Variants in CLIC5 observed in about 807,000 individuals in gnomAD.
CLIC5 encodes the protein CLIC family member 5.
In CLIC5, 20 loss-of-function variants were observed where a neutral mutation model predicts 24.7. The observed-to-expected ratio is 0.81, with a 90% CI of 0.57 to 1.18. The LOEUF is 1.18. Among genes scored for constraint, CLIC5 ranks in the 50% most tolerant of loss-of-function variants. CLIC5 has a pLI of 0.00. For missense variants in CLIC5, 341 were observed against 326.1 expected (o/e 1.05, Z -0.35); for synonymous variants, 159 against 135.6 (o/e 1.17, Z -1.20).
At chr6:46,058,328 A>G (rs1012547973) in intron 1 of CLIC5, among the ~76,000 whole-genome samples, 2 of 152,222 alleles carry the variant, frequency 1.3e-5, no homozygotes, top group Non-Finnish European at 2.9e-5. Flanking sequence ...TCAGTTAAGC[A>G]CTTCACTCTT....
At chr6:46,098,988 G>A in the CLIC5 span, among the ~76,000 whole-genome samples, 8 of 152,324 alleles carry the variant, frequency 5.3e-5, 1 homozygote, top group Middle Eastern at 0.017. Flanking sequence ...CTGCGGGGGT[G>A]GGGGTAGAAG....
intron 1 of CLIC5, among the ~76,000 whole-genome samples, chr6:46,054,076 G>A (rs903355648): frequency 6.6e-6 from 1 of 152,096 alleles, no homozygotes; most frequent in Non-Finnish European, 1.5e-5. Flanking sequence ...CCAGGTGGGG[G>A]TAGGCTGGGG....
chr6:45,983,794 G>C (rs1765642651), intron 1 of CLIC5, among the ~76,000 whole-genome samples: 2 of 152,172 alleles, frequency 1.3e-5, no homozygotes, highest in Non-Finnish European at 2.9e-5. Context: ...GCCTTTCTCA[G>C]ATAAGTCTTT....
chr6:46,006,123 A>ATATATATAT (rs1766566556), intron 1 of CLIC5, among the ~76,000 whole-genome samples: 1 of 17,360 alleles, frequency 5.8e-5, no homozygotes, highest in African/African-American at 2.9e-4. Context: ...CACATGTATA[A>ATATATATAT]ATACATATAT....
At chr6:46,122,985 C>T in the CLIC5 span, 1 of 152,182 alleles carries the variant, frequency 6.6e-6, no homozygotes, top group East Asian at 1.9e-4. Context: ...GACTGACAGC[C>T]GAATTCTACC....
At chr6:45,911,660 G>T in intron 5 of CLIC5, 1 of 985,266 alleles carries the variant, frequency 1.0e-6, no homozygotes, top group Non-Finnish European at 1.2e-6. Flanking sequence ...GGATTTTAAA[G>T]GGCAGAATGT....
At chr6:46,107,438 T>A in the CLIC5 span, among the ~76,000 whole-genome samples, 1 of 152,282 alleles carries the variant, frequency 6.6e-6, no homozygotes, top group African/African-American at 2.4e-5. Flanking sequence ...CTGTCCCTTG[T>A]CCCAAGATCT....
chr6:46,126,468 A>G, the CLIC5 span, among the ~76,000 whole-genome samples: 1 of 152,318 alleles, frequency 6.6e-6, no homozygotes, highest in Admixed American at 6.5e-5. Flanking sequence ...CTAACACAAT[A>G]GTTCATGGTG....
chr6:45,953,585 T>A (rs746961171), intron 2 of CLIC5, among the ~76,000 whole-genome samples: 21 of 151,812 alleles, frequency 1.4e-4, no homozygotes, highest in Non-Finnish European at 2.8e-4. Flanking sequence ...CGGTGAGAAG[T>A]GTTGGGAAAG....
upstream of CLIC5, chr6:46,015,916 C>T: frequency 9.9e-7 from 1 of 1,007,130 alleles, no homozygotes; most frequent in Non-Finnish European, 1.2e-6. Flanking sequence ...GCGGGGTCAG[C>T]CGGGCGGGGA....
intron 1 of CLIC5, among the ~76,000 whole-genome samples, chr6:45,980,824 A>T (rs745646633): frequency 6.6e-6 from 1 of 152,210 alleles, no homozygotes; most frequent in Non-Finnish European, 1.5e-5. Context: ...ATCTTCTCCA[A>T]GAAATTGTCT....
downstream of CLIC5, among the ~76,000 whole-genome samples, chr6:45,897,267 G>A (rs1251857219): frequency 6.6e-6 from 1 of 152,196 alleles, no homozygotes; most frequent in Non-Finnish European, 1.5e-5. Context: ...AGAAGTTCCT[G>A]AGTAAATCTG....
intron 5 of CLIC5, chr6:45,912,070 C>T (rs915748287): frequency 2.8e-5 from 28 of 985,784 alleles, no homozygotes; most frequent in African/African-American, 3.5e-5. Flanking sequence ...CTGACGTTCG[C>T]AGGGACTTCC....
intron 4 of CLIC5, chr6:45,920,207 G>A (rs1308773244): frequency 1.6e-5 from 16 of 978,040 alleles, no homozygotes; most frequent in African/African-American, 3.5e-5. Context: ...TTCAGCGACC[G>A]TGATGAGGTC....
At chr6:46,122,053 T>C in the CLIC5 span, among the ~76,000 whole-genome samples, 47 of 152,278 alleles carry the variant, frequency 3.1e-4, no homozygotes, top group South Asian at 8.9e-3. Context: ...TATCCAGGAA[T>C]AGAATTCAGC....
chr6:45,983,447 A>C (rs1765629720), intron 1 of CLIC5, among the ~76,000 whole-genome samples: 1 of 152,202 alleles, frequency 6.6e-6, no homozygotes, highest in Non-Finnish European at 1.5e-5. Context: ...GGCACAAGAC[A>C]CACCATTGAG....
chr6:45,987,521 A>C (rs1247640964), intron 1 of CLIC5, among the ~76,000 whole-genome samples: 1 of 152,236 alleles, frequency 6.6e-6, no homozygotes, highest in Admixed American at 6.5e-5. Flanking sequence ...TATAATCACA[A>C]CACCAAAGTC....
upstream of CLIC5, among the ~76,000 whole-genome samples, chr6:46,084,041 G>T (rs1332142331): frequency 6.6e-6 from 1 of 152,148 alleles, no homozygotes; most frequent in African/African-American, 2.4e-5. Context: ...GGCCTTCTTT[G>T]TCTCTTTTGA....
At chr6:45,951,943 C>T (rs1221302582) in intron 2 of CLIC5, among the ~76,000 whole-genome samples, 1 of 152,206 alleles carries the variant, frequency 6.6e-6, no homozygotes, top group Non-Finnish European at 1.5e-5. Flanking sequence ...ACAACTGAGA[C>T]GGAAAGTATT....
Sources: allele counts gnomAD v4.1 joint callset (sites outside exome capture counted in the v4.1 genomes callset), GRCh38; gene constraint gnomAD v4.1.1; transcripts MANE v1.5; gene names NCBI Gene and HGNC (gene_info 2026-07-23, HGNC 2026-07-21).